Variants in OARD1 observed in about 807,000 individuals in gnomAD.
OARD1 encodes the protein O-acyl-ADP-ribose deacylase 1.
A neutral mutation model predicts 19.7 loss-of-function variants in OARD1; 19 were observed. The observed-to-expected ratio is 0.96, with a 90% CI of 0.67 to 1.41. The LOEUF is 1.41. OARD1 is among the 40% of genes most tolerant of loss of function. The probability of loss-of-function intolerance (pLI) is 0.00; values close to 1 mark genes in which losing one functional copy is unlikely to be tolerated. For missense variants in OARD1, 190 were observed against 183.8 expected (o/e 1.03, Z -0.20); for synonymous variants, 70 against 61.8 (o/e 1.13, Z -0.62).
chr6:41,069,897 C>T, intron 4 of OARD1, 179 bp downstream of exon 4: 1 of 664,706 alleles, frequency 1.5e-6, no homozygotes, highest in Non-Finnish European at 2.7e-6. Flanking sequence ...ACCCAGTGCT[C>T]CAAGTAGCCG....
At chr6:41,080,880 G>A (rs1763886763) in intron 1 of OARD1, 2 of 1,613,860 alleles carry the variant, frequency 1.2e-6, no homozygotes, top group Non-Finnish European at 1.7e-6. Flanking sequence ...AGGCCAGCAA[G>A]TCCAGACCCT....
At chr6:41,086,205 C>T (rs1764039308) in intron 1 of OARD1, among the ~76,000 whole-genome samples, 1 of 139,822 alleles carries the variant, frequency 7.2e-6, no homozygotes, top group Non-Finnish European at 1.5e-5. Flanking sequence ...GTGTAGTGGT[C>T]CAAGCTTTCA....
upstream of OARD1, among the ~76,000 whole-genome samples, chr6:41,073,635 G>T (rs1050228854): frequency 4.3e-4 from 66 of 152,130 alleles, no homozygotes; most frequent in African/African-American, 1.4e-3. Context: ...GGGAGGCCTG[G>T]GGAGGGTGCG....
chr6:41,084,479 A>C (rs1763987896), intron 1 of OARD1, among the ~76,000 whole-genome samples: 2 of 152,256 alleles, frequency 1.3e-5, no homozygotes, highest in Non-Finnish European at 2.9e-5. Context: ...AAAGAAACAA[A>C]AATGAGTATT....
intron 1 of OARD1, chr6:41,079,301 T>C (rs1336205317): frequency 6.7e-6 from 5 of 750,806 alleles, no homozygotes; most frequent in Non-Finnish European, 1.1e-5. Context: ...TGGCTTGTGC[T>C]GAAATGCCAT....
chr6:41,078,747 G>A (rs981939521), intron 1 of OARD1, among the ~76,000 whole-genome samples: 10 of 152,174 alleles, frequency 6.6e-5, no homozygotes, highest in African/African-American at 2.4e-4. Flanking sequence ...TCAAAGTGAT[G>A]TAGCTTAACG....
chr6:41,073,206 C>T (rs1047592978), upstream of OARD1: 6 of 152,004 alleles, frequency 3.9e-5, no homozygotes, highest in African/African-American at 1.2e-4. Flanking sequence ...CGAGCTGAGC[C>T]TAGCCGAGCC....
chr6:41,082,759 G>A (rs1389962021), intron 1 of OARD1, among the ~76,000 whole-genome samples: 2 of 152,176 alleles, frequency 1.3e-5, no homozygotes, highest in Admixed American at 1.3e-4. Flanking sequence ...CAAGCATTTG[G>A]TGTAGCAAAG....
Position 41,071,449 on chromosome 6 carries a change from T to C in OARD1, c.39+147A>G, listed in dbSNP as rs979700471. The C allele has an allele frequency of 4.1e-5, 40 of 976,980 alleles. 1 individual carries two copies. In the Admixed American group the frequency reaches 8.4e-4, roughly 20 times the overall value. 60.5% of individuals were successfully genotyped at this position (976,980 alleles called of 1,614,324 possible). On this transcript the variant is annotated intron_variant, in intron 2 of 5. Transcript: ENST00000424266. ...TAAAAGGAAAGTAATGGATGATCCC[T>C]GCCTAGAATTTTGAGCCTTTTTAAA...
At chr6:41,097,433 G>A (rs748570979) in intron 1 of OARD1, 2 of 1,611,970 alleles carry the variant, frequency 1.2e-6, no homozygotes, top group South Asian at 1.1e-5. Context: ...TGATGGAGCT[G>A]ATCAAGGTCA....
intron 1 of OARD1, among the ~76,000 whole-genome samples, chr6:41,085,135 A>C (rs9296352): frequency 0.22 from 33,721 of 152,194 alleles, 5,413 homozygotes; most frequent in African/African-American, 0.45. Context: ...TTGGTAATTT[A>C]AAACTGTAGA....
rs1043912958 is a variant in OARD1 at position 41,065,507 on chromosome 6, T to C, written c.*1828A>G. 1.3e-5 allele frequency: 2 copies of C among 152,184 alleles called. No individual in the cohort carries two copies. The highest frequency in any genetic ancestry group is 6.5e-5 in the Admixed American group (1 of 15,280). The allele number at this position is 152,184 out of a possible 1,614,324, so 9.4% of individuals were successfully genotyped here. On this transcript the variant is annotated 3_prime_UTR_variant, in exon 6 of 6. Coordinates refer to ENST00000424266, the MANE Select transcript of OARD1 (RefSeq NM_001329686.2). ...TCTTATCCCCCACTCTCACTTTCAATTTTGTGTATTTAGATAATCTCTCCT... is the reference window on the plus strand; with the variant it reads ...TCTTATCCCCCACTCTCACTTTCAACTTTGTGTATTTAGATAATCTCTCCT...
At chr6:41,071,070 G>A (rs956462713) in intron 3 of OARD1, 62 bp downstream of exon 3, 2 of 1,506,302 alleles carry the variant, frequency 1.3e-6, no homozygotes. Context: ...TTTTATTAAA[G>A]TGTAACAGAT....
intron 1 of OARD1, chr6:41,091,491 C>CT (rs747819155): frequency 4.4e-6 from 7 of 1,603,120 alleles, no homozygotes; most frequent in Non-Finnish European, 8.5e-7. Flanking sequence ...TTCTGTGTGC[C>CT]TGTTTTTTGT....
chr6:41,094,958 A>T (rs920050683), intron 1 of OARD1, among the ~76,000 whole-genome samples: 1 of 152,180 alleles, frequency 6.6e-6, no homozygotes, highest in Admixed American at 6.5e-5. Flanking sequence ...CCCCATCACA[A>T]ATATAATTTG....
intron 1 of OARD1, 167 bp from the exon 2 acceptor site, chr6:41,071,842 A>T (rs1214524536): frequency 1.8e-6 from 1 of 550,736 alleles, no homozygotes; most frequent in African/African-American, 1.9e-5. Flanking sequence ...GGCAAAGAGG[A>T]AGAACGCTTA....
upstream of OARD1, chr6:41,075,800 A>G (rs1763717033): frequency 6.6e-6 from 1 of 151,606 alleles, no homozygotes; most frequent in African/African-American, 2.4e-5. Context: ...AAATTCCCAT[A>G]TCACTTTATC....
chr6:41,072,881 C>A (rs945104366), upstream of OARD1: 3 of 153,220 alleles, frequency 2.0e-5, no homozygotes, highest in East Asian at 1.9e-4. Flanking sequence ...GGGGCGATCC[C>A]TGAACTGGAG....
upstream of OARD1, chr6:41,073,211 CGAGCCGGGCG>C (rs1236090114): frequency 6.6e-6 from 1 of 151,860 alleles, no homozygotes; most frequent in East Asian, 2.0e-4. Context: ...TGAGCCTAGC[CGAGCCGGGCG>C]GCCAGCGGCC....
Sources: gnomAD v4.1 joint callset for allele counts (sites outside exome capture counted in the v4.1 genomes callset) on GRCh38, gnomAD v4.1.1 for gene constraint, MANE v1.5 for transcripts, NCBI Gene and HGNC (gene_info 2026-07-23, HGNC 2026-07-21) for gene names.